The following SLC14A2 variants were observed in gnomAD, a reference collection of about 807,000 sequenced individuals.
SLC14A2 encodes the protein solute carrier family 14 member 2.
In SLC14A2, 91 loss-of-function variants were observed where a neutral mutation model predicts 104.6. That is an observed-to-expected ratio of 0.87 (90% CI 0.73 to 1.04). The LOEUF is 1.04. Ranked by LOEUF, SLC14A2 falls within the 50% of genes least tolerant of loss-of-function variation. The pLI is 0.00. For synonymous variants in SLC14A2, 476 were observed against 466.4 expected, an observed-to-expected ratio of 1.02 and a Z score of -0.27; for missense variants, 1,189 against 1,156.0, an observed-to-expected ratio of 1.03 and a Z score of -0.41.
rs140878307 is a variant in SLC14A2 at position 45,484,809 on chromosome 18, T to C, written c.-35+1487T>C. Among the ~76,000 whole-genome samples the C allele has an allele frequency of 2.9e-4, 44 of 152,252 alleles. 1 individual carries two copies. The highest frequency in any genetic ancestry group is 1.0e-3 in the African/African-American group (43 of 41,544). On this transcript the variant is annotated intron_variant, in intron 2 of 20. Coordinates refer to the SLC14A2 transcript ENST00000586448. ...TTCTTTTTTTGAGTGTGCGTGTGTG[T>C]AATGACAGTAATAAGATATACCTCT...
rs573612390 is a variant in SLC14A2, at chr18:45,248,103, A to G, written c.-125+34912A>G. Among the ~76,000 whole-genome samples, 4 of 152,250 alleles carry G rather than the reference A, an allele frequency of 2.6e-5. No homozygotes were observed. The South Asian group carries it at 6.2e-4, about 24-fold the overall frequency. ...AATCCATTGAGAAGATGGTAGCAGG[A>G]TAATTTAGATTTGTGCAGTAAATGC... On this transcript the variant is annotated intron_variant, in intron 1 of 20. Coordinates refer to the SLC14A2 transcript ENST00000586448.
intron 8 of SLC14A2, 33 bp downstream of exon 8, chr18:45,641,376 T>C (rs7233416): frequency 0.94 from 1,509,636 of 1,613,166 alleles, 707,467 homozygotes; most frequent in Middle Eastern, 0.97. Flanking sequence ...AACCAGGTTA[T>C]TCTGGCTATT....
intron 1 of SLC14A2, among the ~76,000 whole-genome samples, chr18:45,386,204 C>G (rs1012233671): frequency 6.6e-6 from 1 of 152,118 alleles, no homozygotes; most frequent in Non-Finnish European, 1.5e-5. Flanking sequence ...ATCTGTCTAG[C>G]TGGAGTTGGT....
chr18:45,354,030 T>C (rs530662773), intron 1 of SLC14A2, among the ~76,000 whole-genome samples: 377 of 152,290 alleles, frequency 2.5e-3, no homozygotes, highest in South Asian at 5.0e-3. Context: ...GAGGCAAAAT[T>C]CTTCCCTTCA....
At chr18:45,569,153 T>C (rs1051382222) in intron 2 of SLC14A2, among the ~76,000 whole-genome samples, 3 of 152,216 alleles carry the variant, frequency 2.0e-5, no homozygotes, top group Admixed American at 6.5e-5. Context: ...CATGCCCCAC[T>C]GTCCTTATCC....
chr18:45,582,684 T>C (rs897307338), intron 2 of SLC14A2, among the ~76,000 whole-genome samples: 9 of 152,160 alleles, frequency 5.9e-5, no homozygotes, highest in African/African-American at 2.2e-4. Flanking sequence ...TTTCTGACCA[T>C]GTGCTCTCCC....
intron 1 of SLC14A2, among the ~76,000 whole-genome samples, chr18:45,290,839 C>A (rs1353597849): frequency 6.6e-6 from 1 of 152,062 alleles, no homozygotes; most frequent in Non-Finnish European, 1.5e-5. Context: ...CATTATATTT[C>A]TATGGAAAAT....
intron 1 of SLC14A2, among the ~76,000 whole-genome samples, chr18:45,435,038 ACT>A (rs1382840772): frequency 2.0e-5 from 3 of 152,028 alleles, no homozygotes; most frequent in Non-Finnish European, 4.4e-5. Context: ...ATAATTCAAG[ACT>A]CTGTTTATAA....
intron 6 of SLC14A2, among the ~76,000 whole-genome samples, chr18:45,637,738 G>T (rs564436648): frequency 1.3e-5 from 2 of 152,248 alleles, no homozygotes; most frequent in East Asian, 3.9e-4. Flanking sequence ...TCCCCAGCAC[G>T]CTGCTCCCAG....
chr18:45,476,806 C>T (rs2087390144), intron 1 of SLC14A2, among the ~76,000 whole-genome samples: 1 of 152,130 alleles, frequency 6.6e-6, no homozygotes, highest in Non-Finnish European at 1.5e-5. Flanking sequence ...TCATGAAGTT[C>T]TTGTGCTGTG....
rs1274850892 is a variant in SLC14A2, at chr18:45,666,915, C to A, written c.1558-20C>A. On this transcript the variant is annotated intron_variant, in intron 12 of 19. Transcript: ENST00000255226. ...AACCACCGAATGTGGGAGACTCTTG[C>A]CTATCTCTGTCCTGGACAGGATCTG... The A allele has an allele frequency of 1.9e-6, 3 of 1,609,738 alleles. No individual in the cohort carries two copies. The highest frequency in any genetic ancestry group is 2.2e-5 in the East Asian group (1 of 44,848).
At chr18:45,518,268 A>T (rs2043469956) in intron 2 of SLC14A2, among the ~76,000 whole-genome samples, 1 of 152,214 alleles carries the variant, frequency 6.6e-6, no homozygotes, top group Non-Finnish European at 1.5e-5. Context: ...AGTGAGACAC[A>T]CTTCACCTTT....
chr18:45,397,138 G>C (rs1412754961), intron 1 of SLC14A2, among the ~76,000 whole-genome samples: 3 of 152,152 alleles, frequency 2.0e-5, no homozygotes, highest in Non-Finnish European at 4.4e-5. Flanking sequence ...ATGTGCATGT[G>C]ACTTTATGGC....
At chr18:45,538,855 T>TA (rs1171065256) in intron 2 of SLC14A2, among the ~76,000 whole-genome samples, 3 of 149,894 alleles carry the variant, frequency 2.0e-5, no homozygotes, top group Non-Finnish European at 4.4e-5. Flanking sequence ...CTTCCCTTTT[T>TA]TTTTTTTTTT....
chr18:45,300,624 A>G (rs12456184), intron 1 of SLC14A2, among the ~76,000 whole-genome samples: 25,740 of 152,164 alleles, frequency 0.17, 2,233 homozygotes, highest in African/African-American at 0.18. Context: ...TTTTCCATAA[A>G]TAAAAATAAT....
chr18:45,314,453 G>A (rs898333573), intron 1 of SLC14A2, among the ~76,000 whole-genome samples: 2 of 152,190 alleles, frequency 1.3e-5, no homozygotes, highest in Non-Finnish European at 2.9e-5. Flanking sequence ...ACAGCACTCT[G>A]AGGTTTGTAA....
chr18:45,332,779 T>G (rs1445928902), intron 1 of SLC14A2, among the ~76,000 whole-genome samples: 1 of 152,128 alleles, frequency 6.6e-6, no homozygotes, highest in Non-Finnish European at 1.5e-5. Context: ...GTCCAGAGCT[T>G]AGATTGAAAT....
chr18:45,244,837 AAAGG>A (rs1178057403), intron 1 of SLC14A2, among the ~76,000 whole-genome samples: 2 of 152,210 alleles, frequency 1.3e-5, no homozygotes, highest in African/African-American at 4.8e-5. Context: ...AATTTTTGCC[AAAGG>A]AAGACCCAAT....
At chr18:45,243,204 G>A (rs1462307403) in intron 1 of SLC14A2, among the ~76,000 whole-genome samples, 1 of 152,232 alleles carries the variant, frequency 6.6e-6, no homozygotes, top group Non-Finnish European at 1.5e-5. Flanking sequence ...CTCAGTGAGG[G>A]AAGGCTGAAT....
Sources: allele counts gnomAD v4.1 joint callset (sites outside exome capture counted in the v4.1 genomes callset), GRCh38; gene constraint gnomAD v4.1.1; transcripts MANE v1.5; gene names NCBI Gene and HGNC (gene_info 2026-07-23, HGNC 2026-07-21).